The following SUFU variants were observed in gnomAD, a reference collection of about 807,000 sequenced individuals.
SUFU encodes the protein SUFU negative regulator of hedgehog signaling, also known as suppressor of fused homolog.
A neutral mutation model predicts 58.9 loss-of-function variants in SUFU; 7 were observed. The ratio of observed to expected loss-of-function variants is 0.12; its 90% confidence interval spans 0.07 to 0.22. The LOEUF is 0.22. Ranked by LOEUF, SUFU falls within the 10% of genes least tolerant of loss-of-function variation. SUFU has a pLI of 1.00. For synonymous variants in SUFU, 232 were observed against 254.8 expected (o/e 0.91, Z 0.85); for missense variants, 451 against 641.3 (o/e 0.70, Z 3.20).
rs186492821 is a variant in SUFU at position 102,586,603 on chromosome 10, G to T, written c.455-5979G>T. ...CAGGAGAATGGCCAGAACTCGGGAGGCGGAGCTTGCAGTGAGCCGAGATCA... is the reference window on the plus strand; with the variant it reads ...CAGGAGAATGGCCAGAACTCGGGAGTCGGAGCTTGCAGTGAGCCGAGATCA... On this transcript the variant is annotated intron_variant, in intron 3 of 11. Coordinates refer to ENST00000369902, the MANE Select transcript of SUFU (RefSeq NM_016169.4). 7.8e-3 allele frequency among the ~76,000 whole-genome samples: 1,185 copies of T among 152,292 alleles called. 6 individuals are homozygous for T. Among genetic ancestry groups the T allele is most frequent in the Non-Finnish European group, 0.012 (812 of 68,038 alleles).
intron 8 of SUFU, among the ~76,000 whole-genome samples, chr10:102,608,999 A>T (rs10786695): frequency 7.2e-5 from 11 of 152,014 alleles, no homozygotes; most frequent in Admixed American, 1.3e-4. Flanking sequence ...AGGAAAAGAT[A>T]GATATGTCTT....
At chr10:102,511,174 GT>G (rs1007632126) in intron 2 of SUFU, among the ~76,000 whole-genome samples, 2 of 148,298 alleles carry the variant, frequency 1.3e-5, no homozygotes, top group Admixed American at 6.7e-5. Context: ...AATAAACAAA[GT>G]TTTTTTTATT....
chr10:102,537,968 A>G (rs1236678456), intron 2 of SUFU, among the ~76,000 whole-genome samples: 1 of 152,158 alleles, frequency 6.6e-6, no homozygotes, highest in Non-Finnish European at 1.5e-5. Flanking sequence ...TTTTTGAGGA[A>G]CCGCCATACT....
At chr10:102,542,252 C>G (rs1176326577) in intron 2 of SUFU, among the ~76,000 whole-genome samples, 1 of 151,356 alleles carries the variant, frequency 6.6e-6, no homozygotes, top group Non-Finnish European at 1.5e-5. Context: ...CCTGCCTCAG[C>G]CTCCTGAGTA....
chr10:102,605,692 A>G (rs2063556751), intron 8 of SUFU, among the ~76,000 whole-genome samples: 1 of 151,538 alleles, frequency 6.6e-6, no homozygotes, highest in South Asian at 2.1e-4. Context: ...ACCCTTTTCC[A>G]GTTCTGCCTT....
chr10:102,569,934 TA>T (rs1477522785), intron 3 of SUFU, among the ~76,000 whole-genome samples: 11 of 152,332 alleles, frequency 7.2e-5, no homozygotes, highest in Middle Eastern at 6.8e-3. Context: ...TGAGATGGAA[TA>T]TGTAGGGAGT....
intron 3 of SUFU, among the ~76,000 whole-genome samples, chr10:102,565,034 C>A (rs993965484): frequency 1.3e-5 from 2 of 152,094 alleles, no homozygotes; most frequent in Non-Finnish European, 2.9e-5. Context: ...AAAACTTAAA[C>A]CCTGAGAGCA....
Position 102,619,666 on chromosome 10 carries a change from C to T in SUFU, c.1296+2238C>T, listed in dbSNP as rs1481625982. Among the ~76,000 whole-genome samples the T allele has an allele frequency of 2.0e-5, 3 of 152,216 alleles. No homozygotes were observed. The highest frequency in any genetic ancestry group is 2.9e-5 in the Non-Finnish European group (2 of 68,024). On this transcript the variant is annotated intron_variant, in intron 10 of 11. Coordinates refer to ENST00000369902, the MANE Select transcript of SUFU (RefSeq NM_016169.4). The surrounding 1 kb of genome is among the most constrained non-coding windows in gnomAD (Gnocchi z 4.2). ...GATTCTCAGCAGTGGAGCCAACACC[C>T]ACACCAGCCCTCCTCCCCCTGCCAG...
chr10:102,530,944 T>C (rs1302317127), intron 2 of SUFU, among the ~76,000 whole-genome samples: 3 of 151,772 alleles, frequency 2.0e-5, no homozygotes, highest in African/African-American at 7.3e-5. Flanking sequence ...ATCAAGAAAA[T>C]TGTAGTTTCT....
chr10:102,606,434 C>G (rs563795541), intron 8 of SUFU, among the ~76,000 whole-genome samples: 1 of 152,138 alleles, frequency 6.6e-6, no homozygotes, highest in African/African-American at 2.4e-5. Context: ...CCAGGCCTTG[C>G]GTCGTGGGAT....
intron 3 of SUFU, chr10:102,573,242 C>T: frequency 1.5e-6 from 1 of 686,860 alleles, no homozygotes; most frequent in Non-Finnish European, 2.6e-6. Flanking sequence ...AAAAGGGCCT[C>T]CATTTTAATT....
In SUFU at chr10:102,504,216, G is replaced by C. The variant is rs1564654422; in HGVS notation, c.64G>C (p.Ala22Pro). The C allele has an allele frequency of 4.4e-6, 7 of 1,605,058 alleles. No individual in the cohort carries two copies. Among genetic ancestry groups the C allele is most frequent in the Non-Finnish European group, 6.0e-6 (7 of 1,175,820 alleles). Residue 22 changes from alanine (A) to proline (P), a missense_variant, in exon 1 of 12, where the codon GCC becomes CCC. Ala to Pro is a conservative substitution (Grantham distance 27). Coordinates refer to ENST00000369902, the MANE Select transcript of SUFU (RefSeq NM_016169.4). ...PTAPPAPGPT[A>P]PPAFASLFPP... ...CGCGCCCCCGGCCCCTGGCCCGACT[G>C]CCCCCCCGGCCTTCGCTTCGCTCTT... is the stretch of plus-strand genomic sequence containing the variant.
rs541127274 is a variant in SUFU, at chr10:102,549,316, G to A, written c.318-654G>A. Among the ~76,000 whole-genome samples, 5 of 152,346 alleles carry A rather than the reference G, an allele frequency of 3.3e-5. No homozygotes were observed. The South Asian group carries it at 1.0e-3, about 32-fold the overall frequency. On this transcript the variant is annotated intron_variant, in intron 2 of 11. Transcript: ENST00000369902. Reference sequence around the variant, plus strand: ...AGGAAACTTACAATGTTGGTGGAAGGAGAAGAGGGTGGCAGGCACAAGAGA... The same window carrying A: ...AGGAAACTTACAATGTTGGTGGAAGAAGAAGAGGGTGGCAGGCACAAGAGA...
At chr10:102,522,480 A>T (rs2062561990) in intron 2 of SUFU, among the ~76,000 whole-genome samples, 1 of 152,174 alleles carries the variant, frequency 6.6e-6, no homozygotes, top group Admixed American at 6.6e-5. Context: ...GAAGACTGAG[A>T]TTGGCTTACA....
rs2135960946 is a variant in SUFU at position 102,630,770 on chromosome 10, T to A, written c.*615T>A. 1 of 249,842 alleles carries A rather than the reference T, an allele frequency of 4.0e-6. No individual in the cohort carries two copies. Among genetic ancestry groups the A allele is most frequent in the South Asian group, 1.3e-4 (1 of 7,462 alleles). 15.5% of individuals were successfully genotyped at this position (249,842 alleles called of 1,614,324 possible). A position where few individuals can be genotyped will look rare whatever the true frequency, so the allele number is the denominator to read the frequency against. ...TTCCCCGTTGAACTTTCGCATTCTC[T>A]GACAGAGGCCTAGGGCTGTATCTCT... On this transcript the variant is annotated 3_prime_UTR_variant, in exon 12 of 12. Transcript: ENST00000369902.
chr10:102,628,616 G>T lies in SUFU; in HGVS notation c.1365+1373G>T, dbSNP rs553930903. Among the ~76,000 whole-genome samples, 1 of 152,322 alleles carries T rather than the reference G, an allele frequency of 6.6e-6. No homozygotes were observed. The highest frequency in any genetic ancestry group is 2.4e-5 in the African/African-American group (1 of 41,560). ...AGAGGGACAGAAGCCTGGGGGAGCA[G>T]AGGAAAGTAGGTCACTAAAAATGAC... On this transcript the variant is annotated intron_variant, in intron 11 of 11. Transcript: ENST00000369902. This position sits in a 1 kb window ranked among gnomAD's most constrained non-coding sequence, Gnocchi z 4.5.
intron 2 of SUFU, among the ~76,000 whole-genome samples, chr10:102,517,755 C>T (rs1376610775): frequency 6.6e-6 from 1 of 152,142 alleles, no homozygotes; most frequent in Non-Finnish European, 1.5e-5. Flanking sequence ...TGACCTCAGC[C>T]CTGAGGAATG....
At chr10:102,520,452 T>G (rs1161837168) in intron 2 of SUFU, among the ~76,000 whole-genome samples, 1 of 151,856 alleles carries the variant, frequency 6.6e-6, no homozygotes, top group Non-Finnish European at 1.5e-5. Flanking sequence ...ACTCCTGACC[T>G]CAGGTGATCC....
At chr10:102,548,751 C>T (rs1259432600) in intron 2 of SUFU, among the ~76,000 whole-genome samples, 1 of 152,176 alleles carries the variant, frequency 6.6e-6, no homozygotes, top group Non-Finnish European at 1.5e-5. Flanking sequence ...CACATCACTG[C>T]CCTCTCTGAT....
Sources: allele counts gnomAD v4.1 joint callset (sites outside exome capture counted in the v4.1 genomes callset), GRCh38; gene constraint gnomAD v4.1.1; non-coding constraint Gnocchi (gnomAD v3.1); transcripts MANE v1.5; gene names NCBI Gene and HGNC (gene_info 2026-07-23, HGNC 2026-07-21).